Variants in MARCHF1 observed in about 807,000 individuals in gnomAD.
The protein encoded by MARCHF1 is E3 ubiquitin-protein ligase MARCHF1.
A neutral mutation model predicts 54.2 loss-of-function variants in MARCHF1; 40 were observed. The ratio of observed to expected loss-of-function variants is 0.74; its 90% confidence interval spans 0.57 to 0.96. MARCHF1 has a LOEUF of 0.96. MARCHF1 is among the 40% of genes least tolerant of loss of function. The pLI, the probability that MARCHF1 is intolerant of heterozygous loss-of-function variation, is 0.00. For missense variants in MARCHF1, 586 were observed against 656.5 expected, an observed-to-expected ratio of 0.89 and a Z score of 1.17; for synonymous variants, 236 against 236.3, an observed-to-expected ratio of 1.00 and a Z score of 0.01.
At chr4:164,326,655 A>T (rs1735287999) in intron 1 of MARCHF1, among the ~76,000 whole-genome samples, 2 of 152,176 alleles carry the variant, frequency 1.3e-5, no homozygotes, top group South Asian at 4.1e-4. Context: ...CTATCTGACA[A>T]ATTCAAAGTG....
intron 1 of MARCHF1, among the ~76,000 whole-genome samples, chr4:164,315,221 GTTAAT>G (rs1280455837): frequency 3.8e-5 from 4 of 105,560 alleles, no homozygotes; most frequent in African/African-American, 1.4e-4. Flanking sequence ...TCTGTATTGG[GTTAAT>G]TTAACAAAAA....
At chr4:164,381,989 A>G (rs1196386787) in intron 1 of MARCHF1, among the ~76,000 whole-genome samples, 4 of 152,230 alleles carry the variant, frequency 2.6e-5, no homozygotes, top group Non-Finnish European at 5.9e-5. Flanking sequence ...CTCTTTGCTC[A>G]TAACATTGGT....
intron 4 of MARCHF1, among the ~76,000 whole-genome samples, chr4:163,752,619 A>G (rs1169996050): frequency 2.0e-5 from 3 of 152,228 alleles, no homozygotes; most frequent in African/African-American, 7.2e-5. Context: ...TATAACCAAC[A>G]TAGGATTAGT....
intron 4 of MARCHF1, among the ~76,000 whole-genome samples, chr4:163,795,270 C>T (rs139379879): frequency 1.4e-3 from 216 of 152,184 alleles, no homozygotes; most frequent in African/African-American, 4.9e-3. Flanking sequence ...ACTCTTGTTG[C>T]CCAGGCTGGA....
At chr4:164,130,152 A>T (rs1293116200) in intron 1 of MARCHF1, 2 of 152,178 alleles carry the variant, frequency 1.3e-5, no homozygotes, top group Non-Finnish European at 2.9e-5. Flanking sequence ...TTCTAAACTT[A>T]AGAAACAATG....
At chr4:163,845,460 T>TACAC (rs10611765) in intron 4 of MARCHF1, among the ~76,000 whole-genome samples, 1,845 of 137,570 alleles carry the variant, frequency 0.013, 25 homozygotes, top group East Asian at 0.035. Flanking sequence ...GCACCTCAGT[T>TACAC]ACACACACAC....
chr4:163,544,108 CT>C (rs749028784), intron 9 of MARCHF1, among the ~76,000 whole-genome samples: 1 of 152,130 alleles, frequency 6.6e-6, no homozygotes, highest in Non-Finnish European at 1.5e-5. Flanking sequence ...CCATATGCGA[CT>C]GCAGGATGTA....
At chr4:163,720,470 C>T (rs887214110) in intron 4 of MARCHF1, among the ~76,000 whole-genome samples, 11 of 152,114 alleles carry the variant, frequency 7.2e-5, no homozygotes, top group South Asian at 2.1e-4. Context: ...GTGATGCCTC[C>T]GGCTTTGTTC....
chr4:164,343,303 A>T (rs888733749), intron 1 of MARCHF1, among the ~76,000 whole-genome samples: 5 of 152,116 alleles, frequency 3.3e-5, no homozygotes, highest in African/African-American at 7.2e-5. Flanking sequence ...AGCTGAGGAA[A>T]TTTTTTTAAA....
intron 4 of MARCHF1, among the ~76,000 whole-genome samples, chr4:163,794,699 G>A (rs1017878734): frequency 1.3e-5 from 2 of 152,212 alleles, no homozygotes; most frequent in African/African-American, 4.8e-5. Flanking sequence ...GTTAAACAGT[G>A]AATAACTATC....
At chr4:164,223,231 AT>A (rs1328628117) in intron 1 of MARCHF1, among the ~76,000 whole-genome samples, 2 of 152,080 alleles carry the variant, frequency 1.3e-5, no homozygotes, top group Non-Finnish European at 2.9e-5. Flanking sequence ...TTCAAATGAA[AT>A]GTTGTAGAGT....
intron 1 of MARCHF1, among the ~76,000 whole-genome samples, chr4:164,286,918 A>C (rs1734165140): frequency 6.7e-6 from 1 of 149,862 alleles, no homozygotes; most frequent in Admixed American, 6.6e-5. Flanking sequence ...CAAAGATTAC[A>C]TCCATGCTGC....
intron 1 of MARCHF1, among the ~76,000 whole-genome samples, chr4:164,328,387 C>T (rs1735338087): frequency 6.6e-6 from 1 of 152,030 alleles, no homozygotes; most frequent in South Asian, 2.1e-4. Flanking sequence ...ACAATTAAAG[C>T]AAGAATGTAT....
intron 5 of MARCHF1, among the ~76,000 whole-genome samples, chr4:163,681,482 C>T (rs1744101605): frequency 6.6e-6 from 1 of 152,128 alleles, no homozygotes; most frequent in African/African-American, 2.4e-5. Flanking sequence ...ATTGTAGTTC[C>T]CATAATCCCC....
rs1739669132 is a variant in MARCHF1, at chr4:163,567,096, G to T, written c.1191+18653C>A. Among the ~76,000 whole-genome samples the T allele has an allele frequency of 2.6e-5, 4 of 152,216 alleles. No individual in the cohort carries two copies. In the South Asian group the frequency reaches 8.3e-4, roughly 32 times the overall value. ...ACATGTATATGCATGTAACAAAGCT[G>T]CATTTTCTGCACGTGTATCCCAGAA... On this transcript the variant is annotated intron_variant, in intron 8 of 9. Coordinates refer to ENST00000514618, the MANE Select transcript of MARCHF1 (RefSeq NM_001394959.1).
At chr4:163,580,798 GT>G (rs539868861) in intron 8 of MARCHF1, among the ~76,000 whole-genome samples, 13 of 105,338 alleles carry the variant, frequency 1.2e-4, no homozygotes, top group East Asian at 8.9e-4. Context: ...AAGTATTAAA[GT>G]TTTTTTTTTT....
intron 1 of MARCHF1, among the ~76,000 whole-genome samples, chr4:164,374,961 G>T (rs534432908): frequency 5.3e-5 from 8 of 152,238 alleles, no homozygotes; most frequent in African/African-American, 1.9e-4. Context: ...TTCACAGGGT[G>T]CCTGGGACCT....
At chr4:164,276,906 CATA>C (rs1560984596) in intron 1 of MARCHF1, among the ~76,000 whole-genome samples, 2 of 141,068 alleles carry the variant, frequency 1.4e-5, no homozygotes, top group Non-Finnish European at 3.0e-5. Context: ...GGTAATTACA[CATA>C]ATGATTAGGG....
intron 1 of MARCHF1, among the ~76,000 whole-genome samples, chr4:164,370,998 G>A (rs906426494): frequency 2.0e-5 from 3 of 152,106 alleles, no homozygotes; most frequent in Non-Finnish European, 4.4e-5. Flanking sequence ...TTTAAAGAAT[G>A]AGAATGAGGA....
Sources: gnomAD v4.1 joint callset for allele counts (sites outside exome capture counted in the v4.1 genomes callset) on GRCh38, gnomAD v4.1.1 for gene constraint, MANE v1.5 for transcripts, NCBI Gene and HGNC (gene_info 2026-07-23, HGNC 2026-07-21) for gene names.